CDKL3: variants seen among roughly 807,000 people sequenced by gnomAD.
CDKL3 encodes the protein cyclin dependent kinase like 3, also known as cyclin-dependent kinase-like 3.
A neutral mutation model predicts 69.3 loss-of-function variants in CDKL3; 65 were observed. The ratio of observed to expected loss-of-function variants is 0.94; its 90% confidence interval spans 0.77 to 1.15. The LOEUF is 1.15. Ranked by LOEUF, CDKL3 falls within the 50% of genes most tolerant of loss-of-function variation. The pLI is 0.00. For missense variants in CDKL3, 652 were observed against 689.2 expected (o/e 0.95, Z 0.61); for synonymous variants, 202 against 221.6 (o/e 0.91, Z 0.79).
chr5:134,357,413 T>C (rs1372364337), intron 3 of CDKL3, among the ~76,000 whole-genome samples: 1 of 151,626 alleles, frequency 6.6e-6, no homozygotes, highest in Non-Finnish European at 1.5e-5. Flanking sequence ...CACTCCAGCC[T>C]GGGCTACAGA....
chr5:134,311,967 G>A (rs1769649916), intron 7 of CDKL3, among the ~76,000 whole-genome samples: 1 of 151,882 alleles, frequency 6.6e-6, no homozygotes, highest in Non-Finnish European at 1.5e-5. Flanking sequence ...GCTAATTTTT[G>A]TATTTTTTGT....
intron 6 of CDKL3, among the ~76,000 whole-genome samples, chr5:134,314,826 A>C (rs1770566266): frequency 6.6e-6 from 1 of 152,148 alleles, no homozygotes; most frequent in African/African-American, 2.4e-5. Context: ...GAATTGTAAA[A>C]GGACACAATG....
intron 4 of CDKL3, among the ~76,000 whole-genome samples, chr5:134,336,536 A>C (rs1270610918): frequency 6.6e-6 from 1 of 152,088 alleles, no homozygotes; most frequent in East Asian, 1.9e-4. Flanking sequence ...GTTGATGTCG[A>C]TGCTATTCCT....
At chr5:134,305,897 C>CGATTATTTT (rs1767689346) in intron 10 of CDKL3, among the ~76,000 whole-genome samples, 1 of 151,890 alleles carries the variant, frequency 6.6e-6, no homozygotes, top group Non-Finnish European at 1.5e-5. Flanking sequence ...TGAACTACAT[C>CGATTATTTT]GATTATTTTG....
chr5:134,318,722 T>A (rs1302349737), intron 6 of CDKL3, among the ~76,000 whole-genome samples: 1 of 152,044 alleles, frequency 6.6e-6, no homozygotes, highest in Non-Finnish European at 1.5e-5. Context: ...CCTGACCTCG[T>A]GATCAGCCCG....
chr5:134,370,184 TC>T (rs559139639), upstream of CDKL3, among the ~76,000 whole-genome samples: 39 of 152,284 alleles, frequency 2.6e-4, 1 homozygote, highest in South Asian at 7.5e-3. Context: ...CATTCCACCC[TC>T]CCTTTACCTG....
intron 8 of CDKL3, among the ~76,000 whole-genome samples, chr5:134,288,977 T>G (rs779838861): frequency 6.7e-6 from 1 of 150,046 alleles, no homozygotes; most frequent in Non-Finnish European, 1.5e-5. Flanking sequence ...GCCTGGCCAA[T>G]ATAGTGAGGC....
At chr5:134,288,476 A>G (rs935433620) in intron 8 of CDKL3, among the ~76,000 whole-genome samples, 1 of 152,210 alleles carries the variant, frequency 6.6e-6, no homozygotes, top group African/African-American at 2.4e-5. Context: ...TTATGCCTGC[A>G]GAACAGATAA....
intron 2 of CDKL3, among the ~76,000 whole-genome samples, chr5:134,360,756 T>C (rs1755807575): frequency 6.6e-6 from 1 of 152,200 alleles, no homozygotes; most frequent in Non-Finnish European, 1.5e-5. Context: ...AAGGCCCTTA[T>C]GTTTTCAAAT....
intron 8 of CDKL3, among the ~76,000 whole-genome samples, chr5:134,287,220 G>C (rs1358488016): frequency 6.6e-6 from 1 of 152,132 alleles, no homozygotes; most frequent in Non-Finnish European, 1.5e-5. Context: ...GGAAAAATAA[G>C]GATTTTTTAA....
intron 4 of CDKL3, among the ~76,000 whole-genome samples, chr5:134,337,824 GT>G (rs1262064603): frequency 1.3e-5 from 2 of 152,198 alleles, no homozygotes; most frequent in East Asian, 1.9e-4. Context: ...AATTCATATT[GT>G]TTTGATAGAG....
At chr5:134,316,895 GT>G (rs1303575363) in intron 6 of CDKL3, among the ~76,000 whole-genome samples, 2 of 152,058 alleles carry the variant, frequency 1.3e-5, no homozygotes, top group African/African-American at 4.8e-5. Context: ...TTAGAAGTTT[GT>G]AAACCAAATT....
intron 5 of CDKL3, among the ~76,000 whole-genome samples, chr5:134,320,617 T>G (rs1726541534): frequency 6.6e-6 from 1 of 152,048 alleles, no homozygotes; most frequent in African/African-American, 2.4e-5. Context: ...GGTTCATGCC[T>G]GTATTCCCAG....
intron 9 of CDKL3, 46 bp from the exon 10 acceptor site, chr5:134,306,748 TG>T: frequency 3.6e-6 from 2 of 557,954 alleles, no homozygotes; most frequent in South Asian, 3.9e-5. Context: ...TCCCCAGAAA[TG>T]CTTTTTTTTT....
chr5:134,293,002 C>CTTTT (rs558156596), intron 8 of CDKL3, among the ~76,000 whole-genome samples: 891 of 43,988 alleles, frequency 0.02, 112 homozygotes, highest in Non-Finnish European at 0.026. Context: ...CTGCCAATTT[C>CTTTT]TTTTTTTTTT....
Position 134,321,821 on chromosome 5 carries a change from C to T in CDKL3, c.622G>A (p.Asp208Asn). The T allele has an allele frequency of 1.2e-6, 2 of 1,609,708 alleles. No individual in the cohort carries two copies. The highest frequency in any genetic ancestry group is 1.7e-6 in the Non-Finnish European group (2 of 1,176,584). Residue 208 changes from aspartate (D) to asparagine (N), a missense_variant, in exon 5 of 13, where the codon GAT (aspartate) becomes AAT (asparagine). Coordinates refer to ENST00000265334, the MANE Select transcript of CDKL3 (RefSeq NM_001113575.2). Reference sequence around the variant, plus strand: ...TTCAAAACAATTTTATGGAGTAAATCCAAATCAGAACTACTAGGAAGATAG... The same window carrying T: ...TTCAAAACAATTTTATGGAGTAAATTCAAATCAGAACTACTAGGAAGATAG... ...NPYLPSSSDL[D>N]LLHKIVLKVG...
chr5:134,323,243 AT>A (rs1229617107), intron 4 of CDKL3, among the ~76,000 whole-genome samples: 6 of 152,218 alleles, frequency 3.9e-5, no homozygotes, highest in African/African-American at 9.6e-5. Flanking sequence ...TAACACACAT[AT>A]GTAAATTAGC....
rs995681991 is a variant in CDKL3 at position 134,298,618 on chromosome 5, T to C, written c.*33A>G. ...AAATAAAACGGGAAGAGTTGTCATC[T>C]TGTATTTTTTGGACTATGTAAAAGA... On this transcript the variant is annotated 3_prime_UTR_variant, in exon 13 of 13. Coordinates refer to ENST00000265334, the MANE Select transcript of CDKL3 (RefSeq NM_001113575.2). The C allele has an allele frequency of 1.2e-6, 2 of 1,602,438 alleles. No individual in the cohort carries two copies. The highest frequency in any genetic ancestry group is 1.7e-6 in the Non-Finnish European group (2 of 1,176,746).
intron 3 of CDKL3, among the ~76,000 whole-genome samples, chr5:134,355,722 G>A (rs759450387): frequency 1.8e-4 from 28 of 152,068 alleles, no homozygotes; most frequent in Non-Finnish European, 3.8e-4. Context: ...ATAAATATAT[G>A]TTATCTGACT....
Sources: gnomAD v4.1 joint callset for allele counts (sites outside exome capture counted in the v4.1 genomes callset) on GRCh38, gnomAD v4.1.1 for gene constraint, MANE v1.5 for transcripts, NCBI Gene and HGNC (gene_info 2026-07-23, HGNC 2026-07-21) for gene names.